TMEM132E: variants seen among roughly 807,000 people sequenced by gnomAD.
TMEM132E encodes transmembrane protein 132E.
A neutral mutation model predicts 78.5 loss-of-function variants in TMEM132E; 49 were observed. That is an observed-to-expected ratio of 0.62 (90% confidence interval 0.50 to 0.79). The LOEUF (loss-of-function observed/expected upper bound fraction) is 0.79, where lower values mean the gene tolerates loss of function less well. Among genes scored for constraint, TMEM132E ranks in the 30% least tolerant of loss-of-function variants. The pLI is 0.00. For synonymous variants in TMEM132E, 715 were observed against 670.6 expected, an observed-to-expected ratio of 1.07 and a Z score of -1.02; for missense variants, 1,403 against 1,470.9, an observed-to-expected ratio of 0.95 and a Z score of 0.75.
rs920471865 is a variant in TMEM132E, at chr17:34,580,298, C to A, written c.-779C>A. ...CGCCACCCTTGCCCCAGCCGCCGAG[C>A]GGCTGCCTGGGCAGGAGGCGCTGAG... On this transcript the variant is annotated 5_prime_UTR_variant, in exon 1 of 9. Coordinates refer to ENST00000631683, the MANE Select transcript of TMEM132E (RefSeq NM_001304438.2). 5 of 152,308 alleles carry A rather than the reference C, an allele frequency of 3.3e-5. No homozygotes were observed. Among genetic ancestry groups the A allele is most frequent in the Non-Finnish European group, 7.3e-5 (5 of 68,114 alleles). The allele number at this position is 152,308 out of a possible 1,614,324, so 9.4% of individuals were successfully genotyped here.
intron 1 of TMEM132E, among the ~76,000 whole-genome samples, chr17:34,606,221 C>T (rs1906409586): frequency 6.6e-6 from 1 of 151,064 alleles, no homozygotes; most frequent in African/African-American, 2.4e-5. Context: ...GTGGTGAGCA[C>T]CTGTAATCCC....
intron 1 of TMEM132E, among the ~76,000 whole-genome samples, chr17:34,589,652 G>A (rs562138819): frequency 2.6e-5 from 4 of 152,178 alleles, no homozygotes; most frequent in East Asian, 1.9e-4. Flanking sequence ...TGAGCACCCC[G>A]CAAAGGCCCT....
At chr17:34,611,007 A>G (rs1018075639) in intron 1 of TMEM132E, among the ~76,000 whole-genome samples, 2 of 152,246 alleles carry the variant, frequency 1.3e-5, no homozygotes, top group African/African-American at 2.4e-5. Context: ...TATTGGGTCC[A>G]GTCGGTCTTA....
Position 34,637,924 on chromosome 17 carries a change from G to A in TMEM132E, c.2917G>A (p.Gly973Ser). Residue 973 changes from glycine to serine, a missense_variant, in exon 9 of 9, where the codon GGC (glycine) becomes AGC (serine). Physicochemically the swap from Gly to Ser is moderately conservative, Grantham distance 56. Transcript: ENST00000631683. The stretch of plus-strand genomic sequence containing the variant: ...CTGCCACGGCGACCACCACAGCAGC[G>A]GCAGCTCGCAGACCAGCGTCCAGAG... The part of the protein sequence containing the change: ...AFCHGDHHSS[G>S]SSQTSVQSQV... 1.2e-6 allele frequency: 2 copies of A among 1,606,186 alleles called. No homozygotes were observed. Among genetic ancestry groups the A allele is most frequent in the Admixed American group, 3.3e-5 (2 of 59,838 alleles).
intron 1 of TMEM132E, among the ~76,000 whole-genome samples, chr17:34,598,895 G>C (rs968708845): frequency 6.6e-6 from 1 of 152,110 alleles, no homozygotes; most frequent in African/African-American, 2.4e-5. Context: ...CGCCAGAAGA[G>C]ATGCTGAGCG....
intron 7 of TMEM132E, 84 bp downstream of exon 7, chr17:34,635,171 C>T (rs1907481244): frequency 1.4e-6 from 2 of 1,418,802 alleles, no homozygotes; most frequent in Non-Finnish European, 1.9e-6. Context: ...ATTTTCCTAA[C>T]CCCAACTGGC....
chr17:34,603,255 C>T (rs756320434), intron 1 of TMEM132E, among the ~76,000 whole-genome samples: 3 of 152,056 alleles, frequency 2.0e-5, no homozygotes, highest in Non-Finnish European at 4.4e-5. Flanking sequence ...ACCTCAGATT[C>T]CTCCACTGCA....
chr17:34,633,836 C>A (rs1427112644), intron 6 of TMEM132E, among the ~76,000 whole-genome samples: 1 of 152,206 alleles, frequency 6.6e-6, no homozygotes, highest in Non-Finnish European at 1.5e-5. Context: ...TTCTCACCAG[C>A]TCCTGGGTGA....
Position 34,626,243 on chromosome 17 carries a change from C to G in TMEM132E, c.184C>G (p.Arg62Gly). ...GCTGGCCTTCTTCCTGCGGGAGGCG[C>G]GGCCCCCGTCACCCGCGGTCGCCAA... ...TRLAFFLREA[R>G]PPSPAVANSS... The change falls in exon 2 of 9, where the codon CGG becomes GGG. Residue 62 changes from arginine to glycine, a missense_variant. This residue lies in a region of TMEM132E where 511 missense variants were observed against 499.0 expected (regional missense o/e 1.02). Coordinates refer to ENST00000631683, the MANE Select transcript of TMEM132E (RefSeq NM_001304438.2). 1 of 1,596,550 alleles carries G rather than the reference C, an allele frequency of 6.3e-7. No individual in the cohort carries two copies. Among genetic ancestry groups the G allele is most frequent in the Non-Finnish European group, 8.5e-7 (1 of 1,172,228 alleles).
chr17:34,602,016 C>T (rs1393520671), intron 1 of TMEM132E, among the ~76,000 whole-genome samples: 1 of 152,252 alleles, frequency 6.6e-6, no homozygotes, highest in African/African-American at 2.4e-5. Context: ...CCACAAGGCA[C>T]TGGGTCCATG....
At position 34,638,900 on chromosome 17, in the gene TMEM132E, C is replaced by T. The variant is rs1907644818; in HGVS notation, c.*668C>T. The T allele has an allele frequency of 6.6e-6, 1 of 152,534 alleles. No individual in the cohort carries two copies. The highest frequency in any genetic ancestry group is 2.4e-5 in the African/African-American group (1 of 41,416). 9.4% of individuals were successfully genotyped at this position (152,534 alleles called of 1,614,324 possible). On this transcript the variant is annotated 3_prime_UTR_variant, in exon 9 of 9. Transcript: ENST00000631683. ...GAGTTCTCAGGACTCCCACCTCTGC[C>T]CCAAGGGCTTTGGGCAGGGACCTAA...
intron 1 of TMEM132E, among the ~76,000 whole-genome samples, chr17:34,599,593 A>T (rs1382994645): frequency 6.6e-6 from 1 of 152,212 alleles, no homozygotes; most frequent in Non-Finnish European, 1.5e-5. Context: ...CTTTTGTGAA[A>T]ACTAGAACTC....
At chr17:34,581,561 C>G (rs1319673108) in intron 1 of TMEM132E, among the ~76,000 whole-genome samples, 1 of 152,004 alleles carries the variant, frequency 6.6e-6, no homozygotes, top group African/African-American at 2.4e-5. Context: ...TTCCTCGCCC[C>G]GGGCGCGCAG....
At chr17:34,592,839 C>T (rs1313464538) in intron 1 of TMEM132E, among the ~76,000 whole-genome samples, 2 of 152,234 alleles carry the variant, frequency 1.3e-5, no homozygotes, top group African/African-American at 2.4e-5. Flanking sequence ...CCCACCTCCC[C>T]ACATTCCCAC....
At chr17:34,581,612 G>C (rs1197763841) in intron 1 of TMEM132E, among the ~76,000 whole-genome samples, 1 of 151,052 alleles carries the variant, frequency 6.6e-6, no homozygotes, top group Admixed American at 6.6e-5. Context: ...CGCTTCCTGC[G>C]GCGGTCCTCG....
In TMEM132E at chr17:34,634,933, G is replaced by T. The variant is rs1471876791; in HGVS notation, c.1823G>T (p.Gly608Val). Residue 608 changes from glycine to valine, a missense_variant, in exon 7 of 9, where the codon GGC becomes GTC. Gly to Val is a moderately radical substitution (Grantham distance 109, BLOSUM62 -3). Coordinates refer to ENST00000631683, the MANE Select transcript of TMEM132E (RefSeq NM_001304438.2). The stretch of plus-strand genomic sequence containing the variant: ...CAGTTCCACACGACATCATCCGAGG[G>T]CACTGACCAGGTGGTCACCATGTTA... ...FTQFHTTSSE[G>V]TDQVVTMLGP... 6.2e-7 allele frequency: 1 copy of T among 1,614,156 alleles called. No individual in the cohort carries two copies. Among genetic ancestry groups the T allele is most frequent in the Non-Finnish European group, 8.5e-7 (1 of 1,180,046 alleles).
chr17:34,629,558 C>A (rs953455501), intron 4 of TMEM132E, among the ~76,000 whole-genome samples: 1 of 151,870 alleles, frequency 6.6e-6, no homozygotes, highest in African/African-American at 2.4e-5. Flanking sequence ...ATTACTTGGG[C>A]AAAGGTACAG....
chr17:34,612,756 C>T (rs1002282020), intron 1 of TMEM132E, among the ~76,000 whole-genome samples: 2 of 152,148 alleles, frequency 1.3e-5, no homozygotes, highest in Non-Finnish European at 2.9e-5. Context: ...CTCACTGCTC[C>T]CATGAAGTGA....
intron 3 of TMEM132E, 108 bp downstream of exon 3, chr17:34,628,817 T>C (rs1366653732): frequency 1.4e-6 from 2 of 1,420,356 alleles, no homozygotes; most frequent in Admixed American, 5.6e-5. Flanking sequence ...TGGGGCTCGG[T>C]CATTGGGGTC....
Sources: allele counts gnomAD v4.1 joint callset (sites outside exome capture counted in the v4.1 genomes callset), GRCh38; gene constraint gnomAD v4.1.1; regional missense constraint gnomAD v4.1.1; transcripts MANE v1.5; gene names NCBI Gene and HGNC (gene_info 2026-07-23, HGNC 2026-07-21).